IMMP2L: variants seen among roughly 807,000 people sequenced by gnomAD.
IMMP2L encodes inner mitochondrial membrane peptidase subunit 2, also known as mitochondrial inner membrane protease subunit 2.
IMMP2L carries 18 observed loss-of-function variants against 19.3 expected under a neutral mutation model. The ratio of observed to expected loss-of-function variants is 0.93; its 90% CI spans 0.64 to 1.38. The LOEUF is 1.38. IMMP2L is among the 40% of genes most tolerant of loss of function. IMMP2L has a pLI of 0.00. For synonymous variants in IMMP2L, 76 were observed against 73.0 expected, an observed-to-expected ratio of 1.04 and a Z score of -0.21; for missense variants, 233 against 218.2, an observed-to-expected ratio of 1.07 and a Z score of -0.43.
At chr7:111,324,165 G>C (rs1274486993) in intron 3 of IMMP2L, among the ~76,000 whole-genome samples, 2 of 151,700 alleles carry the variant, frequency 1.3e-5, no homozygotes, top group Non-Finnish European at 2.9e-5. Context: ...CTGGTTCTTT[G>C]AAACACTCAA....
intron 5 of IMMP2L, among the ~76,000 whole-genome samples, chr7:110,868,117 T>TTGTGTGTGTGTGTGTG (rs71151813): frequency 0.026 from 3,758 of 144,382 alleles, 88 homozygotes; most frequent in East Asian, 0.046. Context: ...CTTGTGAGGT[T>TTGTGTGTGTGTGTGTG]TGTGTGTGTG....
intron 3 of IMMP2L, among the ~76,000 whole-genome samples, chr7:111,237,021 A>G (rs570166216): frequency 2.8e-4 from 42 of 152,300 alleles, no homozygotes; most frequent in African/African-American, 9.6e-4. Context: ...AATAGAAAGT[A>G]AGAACTTACA....
At chr7:111,016,781 ATATATAC>A (rs1314172191) in intron 3 of IMMP2L, among the ~76,000 whole-genome samples, 1 of 88,866 alleles carries the variant, frequency 1.1e-5, no homozygotes, top group Non-Finnish European at 2.0e-5. Flanking sequence ...TGCATATATA[ATATATAC>A]TATATAATAT....
At position 110,663,676 on chromosome 7, in the gene IMMP2L, G is replaced by A. The variant is rs769349810; in HGVS notation, c.454C>T (p.Pro152Ser). The A allele has an allele frequency of 1.2e-6, 2 of 1,608,956 alleles. No individual in the cohort carries two copies. Among genetic ancestry groups the A allele is most frequent in the Non-Finnish European group, 8.5e-7 (1 of 1,176,712 alleles). ...TCCAATTTCTGCCAGCGCTCTGGGGGCCACAGGATATGTGTGGCATGGGCA... is the reference window on the plus strand; with the variant it reads ...TCCAATTTCTGCCAGCGCTCTGGGGACCACAGGATATGTGTGGCATGGGCA... ...LHAHATHILW[P>S]PERWQKLESV... Residue 152 changes from proline (P) to serine (S), a missense_variant, in exon 6 of 6, where the codon CCC (proline) becomes TCC (serine). Coordinates refer to ENST00000405709, the MANE Select transcript of IMMP2L (RefSeq NM_032549.4).
intron 3 of IMMP2L, among the ~76,000 whole-genome samples, chr7:111,287,328 G>C (rs1287175651): frequency 6.6e-6 from 1 of 152,140 alleles, no homozygotes; most frequent in Non-Finnish European, 1.5e-5. Flanking sequence ...TACCTGCTCA[G>C]AAGTATTTAC....
At chr7:111,362,394 T>G (rs1231401738) in intron 3 of IMMP2L, among the ~76,000 whole-genome samples, 7 of 152,072 alleles carry the variant, frequency 4.6e-5, no homozygotes, top group Non-Finnish European at 1.5e-5. Flanking sequence ...TGAGAAGGGC[T>G]AGATTTTTTT....
chr7:111,513,554 A>C (rs955111911), intron 2 of IMMP2L, among the ~76,000 whole-genome samples: 25 of 152,262 alleles, frequency 1.6e-4, no homozygotes, highest in Non-Finnish European at 2.9e-5. Context: ...GATATATCTC[A>C]AAGAATTGAA....
At chr7:110,981,621 T>A (rs1355089249) in intron 3 of IMMP2L, among the ~76,000 whole-genome samples, 5 of 152,174 alleles carry the variant, frequency 3.3e-5, no homozygotes, top group Non-Finnish European at 4.4e-5. Flanking sequence ...AAGTGACTCC[T>A]TTTTAAGATT....
At chr7:110,687,604 A>T (rs929799143) in intron 5 of IMMP2L, among the ~76,000 whole-genome samples, 5 of 152,162 alleles carry the variant, frequency 3.3e-5, no homozygotes, top group African/African-American at 1.2e-4. Flanking sequence ...CATATATTTT[A>T]TAACAAATTA....
At chr7:111,522,558 G>A (rs770313769) in intron 1 of IMMP2L, among the ~76,000 whole-genome samples, 3 of 151,956 alleles carry the variant, frequency 2.0e-5, no homozygotes, top group East Asian at 1.9e-4. Flanking sequence ...AAAAGAATGC[G>A]CAGTCATGAG....
chr7:111,467,102 G>A (rs1840748483), intron 3 of IMMP2L, among the ~76,000 whole-genome samples: 1 of 152,112 alleles, frequency 6.6e-6, no homozygotes, highest in African/African-American at 2.4e-5. Context: ...TCACTGATCA[G>A]CAGAAGACCC....
Position 110,963,461 on chromosome 7 carries a change from A to G in IMMP2L, c.305+39T>C, listed in dbSNP as rs200921781. On this transcript the variant is annotated intron_variant, in intron 4 of 5. Coordinates refer to ENST00000405709, the MANE Select transcript of IMMP2L (RefSeq NM_032549.4). ...TAATGTAGGTAACAGAACTCTAGAT[A>G]TTTAAAACTTGAACTCAGAAACAAC... 2.1e-3 allele frequency: 2,998 copies of G among 1,400,300 alleles called. 6 individuals carry two copies. The highest frequency in any genetic ancestry group is 2.7e-3 in the Non-Finnish European group (2,691 of 996,170). 86.7% of individuals were successfully genotyped at this position (1,400,300 alleles called of 1,614,324 possible).
At chr7:111,507,940 T>C (rs769001432) in intron 2 of IMMP2L, among the ~76,000 whole-genome samples, 4 of 152,128 alleles carry the variant, frequency 2.6e-5, no homozygotes, top group Admixed American at 6.6e-5. Context: ...AAGCTCCTAC[T>C]TGAGCAGTAT....
chr7:110,850,663 A>G (rs1429542083), intron 5 of IMMP2L, among the ~76,000 whole-genome samples: 1 of 151,948 alleles, frequency 6.6e-6, no homozygotes, highest in East Asian at 1.9e-4. Flanking sequence ...TAACACTAAC[A>G]CTATAACAAA....
At chr7:111,266,536 A>G (rs1187907004) in intron 3 of IMMP2L, among the ~76,000 whole-genome samples, 2 of 140,052 alleles carry the variant, frequency 1.4e-5, no homozygotes, top group Non-Finnish European at 3.1e-5. Flanking sequence ...GAGCAAGACT[A>G]TGTCTCCCAA....
At chr7:110,683,114 T>C (rs2130464580) in intron 5 of IMMP2L, among the ~76,000 whole-genome samples, 1 of 152,262 alleles carries the variant, frequency 6.6e-6, no homozygotes, top group African/African-American at 2.4e-5. Context: ...ATTTGGGTTT[T>C]TTTATTGCTG....
intron 5 of IMMP2L, among the ~76,000 whole-genome samples, chr7:110,822,229 C>G (rs1803097404): frequency 6.6e-6 from 1 of 152,134 alleles, no homozygotes; most frequent in Admixed American, 6.6e-5. Context: ...TTCAATCTTA[C>G]ATTGTCAACT....
At position 110,861,854 on chromosome 7, in the gene IMMP2L, C is replaced by T. The variant is rs1654946693; in HGVS notation, c.408+24739G>A. Among the ~76,000 whole-genome samples, 3 of 152,028 alleles carry T rather than the reference C, an allele frequency of 2.0e-5. No homozygotes were observed. The South Asian group carries it at 6.2e-4, about 32-fold the overall frequency. On this transcript the variant is annotated intron_variant, in intron 5 of 5. Transcript: ENST00000405709. Reference sequence around the variant, plus strand: ...TTCAGAAGATATGAAACTTGTCAATCTGTTTACCAAATATGTGTCTATTAT... The same window carrying T: ...TTCAGAAGATATGAAACTTGTCAATTTGTTTACCAAATATGTGTCTATTAT...
intron 2 of IMMP2L, among the ~76,000 whole-genome samples, chr7:111,498,258 A>T (rs1843782727): frequency 6.6e-6 from 1 of 152,202 alleles, no homozygotes; most frequent in South Asian, 2.1e-4. Context: ...CTAATAAAAC[A>T]TGTTTTGAGA....
Sources: allele counts gnomAD v4.1 joint callset (sites outside exome capture counted in the v4.1 genomes callset), GRCh38; gene constraint gnomAD v4.1.1; transcripts MANE v1.5; gene names NCBI Gene and HGNC (gene_info 2026-07-23, HGNC 2026-07-21).